Variants in FANK1 observed in about 807,000 individuals in gnomAD.
FANK1 encodes the protein fibronectin type III and ankyrin repeat domains 1, also known as fibronectin type 3 and ankyrin repeat domains protein 1.
FANK1 carries 44 observed loss-of-function variants against 45.3 expected under a neutral mutation model. That is an observed-to-expected ratio of 0.97 (90% confidence interval 0.76 to 1.25). FANK1 has a LOEUF of 1.25. FANK1 is among the 50% of genes most tolerant of loss of function. FANK1 has a pLI of 0.00. For synonymous variants in FANK1, 149 were observed against 152.5 expected (o/e 0.98, Z 0.17); for missense variants, 391 against 424.4 (o/e 0.92, Z 0.69).
intron 1 of FANK1, among the ~76,000 whole-genome samples, chr10:125,963,861 G>T (rs930582126): frequency 9.2e-5 from 14 of 152,070 alleles, no homozygotes; most frequent in African/African-American, 2.9e-4. Context: ...CCTGCACGTT[G>T]TACACATGTA....
intron 1 of FANK1, among the ~76,000 whole-genome samples, chr10:125,931,883 ATAAGG>A (rs1947775522): frequency 6.6e-6 from 1 of 152,182 alleles, no homozygotes; most frequent in African/African-American, 2.4e-5. Context: ...TGATTTTTGT[ATAAGG>A]TAAGAGATAA....
rs144728402 is a variant in FANK1, at chr10:125,985,457, G to A, written c.192-3094G>A. 1.7e-3 allele frequency among the ~76,000 whole-genome samples: 262 copies of A among 152,220 alleles called. 1 individual carries two copies. The highest frequency in any genetic ancestry group is 6.8e-3 in the Middle Eastern group (2 of 294). Reference sequence around the variant, plus strand: ...AAAAAATTATTACTTTTTAGCCCTGGCGGTTTTTCTGAATATTTATCTTGG... The same window carrying A: ...AAAAAATTATTACTTTTTAGCCCTGACGGTTTTTCTGAATATTTATCTTGG... On this transcript the variant is annotated intron_variant, in intron 2 of 10. Transcript: ENST00000368693.
chr10:126,002,290 C>T (rs562422134), intron 6 of FANK1, among the ~76,000 whole-genome samples: 7 of 151,166 alleles, frequency 4.6e-5, no homozygotes, highest in South Asian at 2.1e-4. Context: ...CCAGCCTGGG[C>T]GATAGAGTGA....
At chr10:125,960,558 G>A (rs761097041) in intron 1 of FANK1, among the ~76,000 whole-genome samples, 4 of 152,226 alleles carry the variant, frequency 2.6e-5, no homozygotes, top group South Asian at 2.1e-4. Flanking sequence ...ATGGAATCTC[G>A]CTCTGTTGCC....
At chr10:125,940,944 T>C (rs1336156500) in intron 1 of FANK1, among the ~76,000 whole-genome samples, 1 of 152,190 alleles carries the variant, frequency 6.6e-6, no homozygotes, top group Non-Finnish European at 1.5e-5. Context: ...GAGCACAAGG[T>C]TGGGGCTAAA....
intron 1 of FANK1, among the ~76,000 whole-genome samples, chr10:125,964,175 ATT>A (rs1490311249): frequency 7.0e-6 from 1 of 143,684 alleles, no homozygotes; most frequent in Non-Finnish European, 1.5e-5. Context: ...AGATTATATC[ATT>A]CTCTCTCTCT....
chr10:125,902,943 A>G (rs1327206361), intron 1 of FANK1, among the ~76,000 whole-genome samples: 1 of 152,106 alleles, frequency 6.6e-6, no homozygotes, highest in African/African-American at 2.4e-5. Flanking sequence ...ATGCTTAATA[A>G]ATCAAGATTA....
At chr10:125,974,946 T>C (rs1950765741) in intron 1 of FANK1, 1 of 152,106 alleles carries the variant, frequency 6.6e-6, no homozygotes, top group South Asian at 2.1e-4. Flanking sequence ...TAGTATTACA[T>C]CACCCAGGTA....
chr10:125,959,389 G>A (rs1290743396), intron 1 of FANK1, among the ~76,000 whole-genome samples: 5 of 122,506 alleles, frequency 4.1e-5, no homozygotes, highest in Admixed American at 9.7e-5. Context: ...ATTCCAGCCT[G>A]AGTGACAGAA....
At chr10:125,920,080 G>C (rs1033598313) in intron 1 of FANK1, among the ~76,000 whole-genome samples, 2 of 152,110 alleles carry the variant, frequency 1.3e-5, no homozygotes, top group Non-Finnish European at 2.9e-5. Context: ...GATGACTCCT[G>C]TCTCTCGTAC....
At chr10:125,939,365 T>C (rs1948303293) in intron 1 of FANK1, among the ~76,000 whole-genome samples, 1 of 152,234 alleles carries the variant, frequency 6.6e-6, no homozygotes, top group African/African-American at 2.4e-5. Context: ...CTTTTCAGTG[T>C]AATGGTATTG....
chr10:125,931,463 G>A lies in FANK1; in HGVS notation c.13+34808G>A, dbSNP rs149398993. ...GGTTTTGATCTGCATTTCCCTGATC[G>A]TTAGTGATGTTGGGCATTTTTTCAT... On this transcript the variant is annotated intron_variant, in intron 1 of 10. Transcript: ENST00000368693. Among the ~76,000 whole-genome samples, 158 of 152,232 alleles carry A rather than the reference G, an allele frequency of 1.0e-3. 3 individuals are homozygous for A. The East Asian group carries it at 0.021, about 20-fold the overall frequency.
intron 1 of FANK1, among the ~76,000 whole-genome samples, chr10:125,969,350 A>T (rs563755292): frequency 7.0e-6 from 1 of 142,022 alleles, no homozygotes; most frequent in African/African-American, 2.6e-5. Context: ...TATCAGACTT[A>T]AAAAAAAAAA....
At chr10:125,948,080 C>T (rs1412878522) in intron 1 of FANK1, among the ~76,000 whole-genome samples, 1 of 148,666 alleles carries the variant, frequency 6.7e-6, no homozygotes, top group African/African-American at 2.5e-5. Context: ...AACAAAGACA[C>T]AACATACCAG....
chr10:125,997,357 C>A, intron 5 of FANK1, 63 bp from the exon 6 acceptor site: 1 of 1,336,840 alleles, frequency 7.5e-7, no homozygotes, highest in South Asian at 1.3e-5. Context: ...TTTTACTGGA[C>A]TATTGTGGGT....
intron 1 of FANK1, among the ~76,000 whole-genome samples, chr10:125,906,515 C>CCAAAAAAAAAAAAAAA (rs1491451803): frequency 2.2e-5 from 1 of 46,410 alleles, no homozygotes; most frequent in South Asian, 5.4e-4. Flanking sequence ...GACTCTGTCT[C>CCAAAAAAAAAAAAAAA]AAAAAAAAAA....
chr10:126,009,024 A>G, intron 8 of FANK1, 30 bp from the exon 9 acceptor site: 1 of 1,609,550 alleles, frequency 6.2e-7, no homozygotes, highest in Non-Finnish European at 8.5e-7. Flanking sequence ...GGAGAAGCTC[A>G]TGCACACCAC....
chr10:125,953,941 G>C (rs1349714957), intron 1 of FANK1, among the ~76,000 whole-genome samples: 1 of 152,206 alleles, frequency 6.6e-6, no homozygotes. Context: ...GCACTTAAAG[G>C]ATTTCTCAGC....
At chr10:125,911,992 A>C (rs1046379967) in intron 1 of FANK1, among the ~76,000 whole-genome samples, 12 of 152,260 alleles carry the variant, frequency 7.9e-5, no homozygotes, top group Non-Finnish European at 1.3e-4. Context: ...CCATCTATCA[A>C]GTTCCATTTA....
Sources: gnomAD v4.1 joint callset for allele counts (sites outside exome capture counted in the v4.1 genomes callset) on GRCh38, gnomAD v4.1.1 for gene constraint, MANE v1.5 for transcripts, NCBI Gene and HGNC (gene_info 2026-07-23, HGNC 2026-07-21) for gene names.